Variants in EEFSEC observed in about 807,000 individuals in gnomAD.
EEFSEC encodes the protein selenocysteine-specific elongation factor.
A neutral mutation model predicts 42.1 loss-of-function variants in EEFSEC; 43 were observed. The ratio of observed to expected loss-of-function variants is 1.02; its 90% CI spans 0.80 to 1.32. The LOEUF (loss-of-function observed/expected upper bound fraction) is 1.32, where lower values mean the gene tolerates loss of function less well. Among genes scored for constraint, EEFSEC ranks in the 40% most tolerant of loss-of-function variants. The probability of loss-of-function intolerance (pLI) is 0.00; values close to 1 mark genes in which losing one functional copy is unlikely to be tolerated. For synonymous variants in EEFSEC, 354 were observed against 339.1 expected (o/e 1.04, Z -0.48); for missense variants, 745 against 803.6 (o/e 0.93, Z 0.88).
intron 6 of EEFSEC, among the ~76,000 whole-genome samples, chr3:128,397,896 G>C (rs2068000788): frequency 6.6e-6 from 1 of 152,202 alleles, no homozygotes; most frequent in Non-Finnish European, 1.5e-5. Context: ...CTGCCTGCAG[G>C]GATGACAGGA....
intron 6 of EEFSEC, among the ~76,000 whole-genome samples, chr3:128,360,656 G>T (rs1018982743): frequency 3.3e-5 from 5 of 151,228 alleles, no homozygotes; most frequent in Non-Finnish European, 7.4e-5. Context: ...GCCTCTCGGG[G>T]TGCTGGGGCG....
intron 6 of EEFSEC, among the ~76,000 whole-genome samples, chr3:128,392,489 G>A (rs540206785): frequency 3.3e-5 from 5 of 152,326 alleles, no homozygotes; most frequent in East Asian, 3.9e-4. Context: ...CAGCTCACCC[G>A]TGACAGAACC....
chr3:128,349,074 A>G (rs2067350683), intron 5 of EEFSEC, among the ~76,000 whole-genome samples: 2 of 152,190 alleles, frequency 1.3e-5, no homozygotes, highest in Admixed American at 1.3e-4. Context: ...CATGTGGGGA[A>G]ACAGGAAGGT....
rs2107565370 is a variant in EEFSEC, at chr3:128,341,880, T to C, written c.1434T>C (p.Leu478=). ...ACAAGCTGAAGCACAAGCATGGCCT[T>C]GTGGAGCGGGTGAGCATGCCCTTGC... ...KVYKLKHKHG[L]VERAMDDYSV... is the part of the protein sequence containing the mutation. The change falls in exon 5 of 7, where the codon CTT becomes CTC. Residue 478 remains leucine (L), a synonymous_variant. Coordinates refer to ENST00000254730, the MANE Select transcript of EEFSEC (RefSeq NM_021937.5). The C allele has an allele frequency of 1.2e-6, 2 of 1,612,804 alleles. No individual in the cohort carries two copies. The highest frequency in any genetic ancestry group is 1.7e-6 in the Non-Finnish European group (2 of 1,179,538).
At chr3:128,303,183 G>A (rs767262558) in intron 4 of EEFSEC, among the ~76,000 whole-genome samples, 18 of 152,038 alleles carry the variant, frequency 1.2e-4, no homozygotes, top group Non-Finnish European at 1.9e-4. Context: ...GTCCAGGCTA[G>A]TCTCAAACTC....
chr3:128,385,227 A>G (rs1397418767), intron 6 of EEFSEC, among the ~76,000 whole-genome samples: 3 of 152,202 alleles, frequency 2.0e-5, no homozygotes, highest in Non-Finnish European at 2.9e-5. Context: ...CAGACCCACG[A>G]TAAGACCCAA....
intron 6 of EEFSEC, among the ~76,000 whole-genome samples, chr3:128,383,735 A>G (rs1259067953): frequency 6.6e-6 from 1 of 152,230 alleles, no homozygotes; most frequent in Non-Finnish European, 1.5e-5. Context: ...TGCTGGGGCC[A>G]TAGGGCTGGG....
rs570393559 is a variant in EEFSEC, at chr3:128,374,309, TGTGCTTGTAGACTTGTGTAAGCGGACC to T, written c.1600+15943_1600+15969del. Among the ~76,000 whole-genome samples the T allele has an allele frequency of 8.1e-4, 123 of 152,362 alleles. 3 individuals carry two copies. The East Asian group carries it at 0.021, about 26-fold the overall frequency. On this transcript the variant is annotated intron_variant, in intron 6 of 6. Coordinates refer to ENST00000254730, the MANE Select transcript of EEFSEC (RefSeq NM_021937.5). ...ATGTTTTCCCCTCGCCTCCAAGGGC[TGTGCTTGTAGACTTGTGTAAGCGGACC>T]GTGCTTACCTCACCATCTCCTACTG...
intron 1 of EEFSEC, among the ~76,000 whole-genome samples, chr3:128,241,560 G>T (rs2066072171): frequency 6.6e-6 from 1 of 152,116 alleles, no homozygotes; most frequent in African/African-American, 2.4e-5. Flanking sequence ...GCCTAGGCTG[G>T]TCTTGAACTC....
At chr3:128,213,475 C>A (rs2065779949) in intron 1 of EEFSEC, among the ~76,000 whole-genome samples, 1 of 152,154 alleles carries the variant, frequency 6.6e-6, no homozygotes, top group African/African-American at 2.4e-5. Flanking sequence ...CAGTGCCATT[C>A]AAGACATGGT....
intron 6 of EEFSEC, among the ~76,000 whole-genome samples, chr3:128,371,152 C>T (rs1286916010): frequency 1.3e-5 from 2 of 151,864 alleles, no homozygotes; most frequent in African/African-American, 2.4e-5. Context: ...TTTTTTCACC[C>T]GAAGTCTTTC....
At chr3:128,416,706 G>A in the EEFSEC span, among the ~76,000 whole-genome samples, 13 of 152,248 alleles carry the variant, frequency 8.5e-5, no homozygotes, top group Admixed American at 6.5e-4. Flanking sequence ...TCTTCTTGCC[G>A]GGGTTGCAGA....
rs2067250140 is a variant in EEFSEC at position 128,341,391 on chromosome 3, C to T, written c.945C>T (p.Ala315=). 1 of 1,614,130 alleles carries T rather than the reference C, an allele frequency of 6.2e-7. No individual in the cohort carries two copies. The highest frequency in any genetic ancestry group is 8.5e-7 in the Non-Finnish European group (1 of 1,180,024). The change falls in exon 5 of 7, where the codon GCC becomes GCT. Residue 315 remains alanine (A), a synonymous_variant. Coordinates refer to ENST00000254730, the MANE Select transcript of EEFSEC (RefSeq NM_021937.5). ...APESLHTVHA[A]LISVEKIPYF... is the part of the protein sequence containing the mutation. The stretch of plus-strand genomic sequence containing the variant: ...AGTCCCTGCACACTGTCCATGCGGC[C>T]CTCATCTCTGTGGAAAAGATACCGT...
intron 2 of EEFSEC, among the ~76,000 whole-genome samples, chr3:128,257,053 A>G (rs1296961922): frequency 6.6e-6 from 1 of 152,294 alleles, no homozygotes; most frequent in East Asian, 1.9e-4. Flanking sequence ...CCCAGAATTT[A>G]TGTTTTTGAA....
At chr3:128,244,082 A>T (rs2066101548) in intron 1 of EEFSEC, among the ~76,000 whole-genome samples, 1 of 152,148 alleles carries the variant, frequency 6.6e-6, no homozygotes, top group Non-Finnish European at 1.5e-5. Flanking sequence ...CACCCACCGG[A>T]GAGGGAGGCC....
intron 5 of EEFSEC, among the ~76,000 whole-genome samples, chr3:128,355,170 G>A (rs1416860767): frequency 2.0e-5 from 3 of 152,218 alleles, no homozygotes; most frequent in African/African-American, 7.2e-5. Context: ...CAGGGCCACA[G>A]GAGGTGCACA....
chr3:128,358,454 T>TC, intron 6 of EEFSEC, 81 bp downstream of exon 6: 1 of 1,553,862 alleles, frequency 6.4e-7, no homozygotes, highest in South Asian at 1.2e-5. Context: ...AAGGTGGCGC[T>TC]CCTTGGCTTA....
At chr3:128,363,204 T>G (rs923167233) in intron 6 of EEFSEC, among the ~76,000 whole-genome samples, 7 of 152,210 alleles carry the variant, frequency 4.6e-5, no homozygotes, top group Admixed American at 4.6e-4. Flanking sequence ...GCACCTCGTT[T>G]CACTGCACAA....
At chr3:128,259,244 T>A (rs990358674) in intron 2 of EEFSEC, among the ~76,000 whole-genome samples, 1 of 152,104 alleles carries the variant, frequency 6.6e-6, no homozygotes, top group Non-Finnish European at 1.5e-5. Context: ...GTCAGGAAGG[T>A]AAGGGTGGCT....
Sources: allele counts gnomAD v4.1 joint callset (sites outside exome capture counted in the v4.1 genomes callset), GRCh38; gene constraint gnomAD v4.1.1; transcripts MANE v1.5; gene names NCBI Gene and HGNC (gene_info 2026-07-23, HGNC 2026-07-21).